COX7B2: variants seen among roughly 807,000 people sequenced by gnomAD.
The protein encoded by COX7B2 is cytochrome c oxidase subunit 7B2, also known as cytochrome c oxidase subunit 7B2, mitochondrial.
For missense variants in COX7B2, 109 were observed against 95.9 expected (o/e 1.14, Z -0.57); for synonymous variants, 37 against 32.1 (o/e 1.15, Z -0.51).
chr4:46,785,281 A>C (rs1482628827), intron 2 of COX7B2, among the ~76,000 whole-genome samples: 1 of 152,160 alleles, frequency 6.6e-6, no homozygotes, highest in African/African-American at 2.4e-5. Context: ...ACTACCAAAT[A>C]TTTAAAACTA....
At chr4:46,898,496 C>T (rs2109888860) in intron 1 of COX7B2, among the ~76,000 whole-genome samples, 1 of 152,280 alleles carries the variant, frequency 6.6e-6, no homozygotes, top group Non-Finnish European at 1.5e-5. Context: ...TGGCTCACCG[C>T]AACCTCATTC....
chr4:46,820,247 C>A (rs1714174585), intron 2 of COX7B2, among the ~76,000 whole-genome samples: 1 of 152,136 alleles, frequency 6.6e-6, no homozygotes, highest in African/African-American at 2.4e-5. Context: ...TATTATCAGG[C>A]ATTAGATTCT....
At chr4:46,808,859 C>A (rs1468864806) in intron 2 of COX7B2, among the ~76,000 whole-genome samples, 1 of 151,862 alleles carries the variant, frequency 6.6e-6, no homozygotes, top group Admixed American at 6.6e-5. Flanking sequence ...ATATGTTCAA[C>A]CAGCCTTGCA....
intron 2 of COX7B2, among the ~76,000 whole-genome samples, chr4:46,804,891 T>G (rs2109640417): frequency 6.6e-6 from 1 of 152,226 alleles, no homozygotes; most frequent in African/African-American, 2.4e-5. Flanking sequence ...GCTGTGCACG[T>G]CGGGGAGGCT....
chr4:46,818,019 A>G (rs576868722), intron 2 of COX7B2, among the ~76,000 whole-genome samples: 2 of 152,346 alleles, frequency 1.3e-5, no homozygotes, highest in African/African-American at 4.8e-5. Context: ...TTCCCAAAAT[A>G]CTATGCAGAG....
Position 46,858,272 on chromosome 4 carries a change from T to G in COX7B2, c.-104-13258A>C, listed in dbSNP as rs560512014. Among the ~76,000 whole-genome samples the G allele has an allele frequency of 1.4e-3, 213 of 152,146 alleles. 1 individual carries two copies. The highest frequency in any genetic ancestry group is 4.9e-3 in the African/African-American group (205 of 41,494). Reference sequence around the variant, plus strand: ...CCATGCCCAGCTAATTTTTATATTTTTAGTAGAGATGGGGGGGTTCGCCAT... The same window carrying G: ...CCATGCCCAGCTAATTTTTATATTTGTAGTAGAGATGGGGGGGTTCGCCAT... On this transcript the variant is annotated intron_variant, in intron 1 of 2. Coordinates refer to ENST00000355591, the MANE Select transcript of COX7B2 (RefSeq NM_130902.3).
At chr4:46,855,698 T>C (rs1716971149) in intron 1 of COX7B2, among the ~76,000 whole-genome samples, 1 of 152,116 alleles carries the variant, frequency 6.6e-6, no homozygotes, top group Admixed American at 6.5e-5. Context: ...AGATATGTAA[T>C]ATTTTTTACA....
At chr4:46,795,029 C>CAGAA in intron 2 of COX7B2, among the ~76,000 whole-genome samples, 1 of 151,070 alleles carries the variant, frequency 6.6e-6, no homozygotes, top group African/African-American at 2.5e-5. Flanking sequence ...GTCCTTCGCC[C>CAGAA]ACTTTTTGAT....
chr4:46,805,002 G>A (rs1026290032), intron 2 of COX7B2, among the ~76,000 whole-genome samples: 6 of 152,324 alleles, frequency 3.9e-5, no homozygotes, highest in South Asian at 2.1e-4. Context: ...GCTAAGGCCC[G>A]GCAAGAAGTC....
chr4:46,808,927 T>G (rs1380551820), intron 2 of COX7B2, among the ~76,000 whole-genome samples: 1 of 151,926 alleles, frequency 6.6e-6, no homozygotes, highest in African/African-American at 2.4e-5. Context: ...GGATTTGATT[T>G]GCTAATATTT....
chr4:46,781,707 C>T (rs781194910), intron 2 of COX7B2, among the ~76,000 whole-genome samples: 2 of 152,200 alleles, frequency 1.3e-5, no homozygotes, highest in East Asian at 1.9e-4. Flanking sequence ...ACCTGGGCTG[C>T]GCCTGGCGCT....
intron 2 of COX7B2, among the ~76,000 whole-genome samples, chr4:46,813,471 C>A (rs1719389023): frequency 6.6e-6 from 1 of 152,064 alleles, no homozygotes; most frequent in Admixed American, 6.5e-5. Context: ...AGTTTCTGCA[C>A]AGCAAAAGAA....
Position 46,734,839 on chromosome 4 carries a change from T to G in COX7B2, c.*108A>C. The stretch of plus-strand genomic sequence containing the variant: ...CATTTGCAATGACTTTTTAAAGATT[T>G]AAAACACATTTTATTTTTTCAATTG... On this transcript the variant is annotated 3_prime_UTR_variant, in exon 3 of 3. Transcript: ENST00000355591. The G allele has an allele frequency of 7.5e-7, 1 of 1,340,294 alleles. No individual in the cohort carries two copies. The allele number at this position is 1,340,294 out of a possible 1,614,324, so 83.0% of individuals were successfully genotyped here.
intron 2 of COX7B2, among the ~76,000 whole-genome samples, chr4:46,814,576 GA>G (rs997825410): frequency 5.9e-5 from 9 of 152,266 alleles, no homozygotes; most frequent in African/African-American, 1.9e-4. Context: ...AGCCAGCTTA[GA>G]AAAGTTTCCT....
chr4:46,781,846 G>T (rs945042711), intron 2 of COX7B2, among the ~76,000 whole-genome samples: 2 of 152,224 alleles, frequency 1.3e-5, no homozygotes, highest in African/African-American at 4.8e-5. Context: ...GAGGATGTGC[G>T]GGGTCCCTCA....
At chr4:46,833,023 A>C (rs1034441384) in intron 2 of COX7B2, among the ~76,000 whole-genome samples, 2 of 151,946 alleles carry the variant, frequency 1.3e-5, no homozygotes, top group Non-Finnish European at 2.9e-5. Context: ...CTCCTGCTTC[A>C]GCCTCCCGAG....
chr4:46,901,753 T>C (rs538903273), intron 1 of COX7B2, among the ~76,000 whole-genome samples: 1 of 152,306 alleles, frequency 6.6e-6, no homozygotes, highest in South Asian at 2.1e-4. Flanking sequence ...CTCTCTCTCT[T>C]TAAGCTGGAA....
chr4:46,799,970 C>T (rs1275762723), intron 2 of COX7B2, among the ~76,000 whole-genome samples: 2 of 152,054 alleles, frequency 1.3e-5, no homozygotes, highest in South Asian at 2.1e-4. Context: ...GTGAATCTGT[C>T]AGGTTCAGGG....
chr4:46,853,608 T>C (rs1391055573), intron 1 of COX7B2, among the ~76,000 whole-genome samples: 2 of 152,110 alleles, frequency 1.3e-5, no homozygotes, highest in Non-Finnish European at 2.9e-5. Flanking sequence ...AGTTGTTCTC[T>C]ATTCTCTTTA....
Sources: allele counts gnomAD v4.1 joint callset (sites outside exome capture counted in the v4.1 genomes callset), GRCh38; gene constraint gnomAD v4.1.1; transcripts MANE v1.5; gene names NCBI Gene and HGNC (gene_info 2026-07-23, HGNC 2026-07-21).